Variants in USP24 observed in about 807,000 individuals in gnomAD.
USP24 encodes the protein ubiquitin specific peptidase 24.
In USP24, 97 loss-of-function variants were observed where a neutral mutation model predicts 361.6. The observed-to-expected ratio is 0.27, with a 90% CI of 0.23 to 0.32. The LOEUF is 0.32. Ranked by LOEUF, USP24 falls within the 10% of genes least tolerant of loss-of-function variation. The pLI is 1.00. For synonymous variants in USP24, 1,098 were observed against 1,124.6 expected (o/e 0.98, Z 0.47); for missense variants, 2,353 against 3,165.6 (o/e 0.74, Z 6.16).
At position 55,142,771 on chromosome 1, in the gene USP24, A is replaced by G; in HGVS notation, c.2605T>C (p.Phe869Leu). The G allele has an allele frequency of 6.4e-7, 1 of 1,555,210 alleles. No individual in the cohort carries two copies. Among genetic ancestry groups the G allele is most frequent in the African/African-American group, 1.4e-5 (1 of 73,240 alleles). ...KKDSVSLHKK[F>L]IADCYTRLEA... ...AATCTTGTGTAGCAATCAGCAATGA[A>G]TTTCTTATGTAAAGATACTGAATCC... Residue 869 changes from phenylalanine to leucine, a missense_variant, in exon 23 of 68, where the codon TTC (phenylalanine) becomes CTC (leucine). By Grantham distance (22) the Phe-to-Leu change is conservative. This residue lies in a region of USP24 where 949 missense variants were observed against 1,280.5 expected (regional missense o/e 0.74). Coordinates refer to ENST00000294383, the MANE Select transcript of USP24 (RefSeq NM_015306.3).
At chr1:55,157,202 GAT>G in intron 11 of USP24, 52 bp downstream of exon 11, 1 of 1,376,486 alleles carries the variant, frequency 7.3e-7, no homozygotes, top group Middle Eastern at 2.0e-4. Context: ...TTAATACAAA[GAT>G]ATATTATTTA....
intron 1 of USP24, among the ~76,000 whole-genome samples, chr1:55,211,948 G>T (rs1270713521): frequency 6.6e-6 from 1 of 152,178 alleles, no homozygotes; most frequent in Non-Finnish European, 1.5e-5. Context: ...TATAATAGCT[G>T]ACAATCTTCA....
At chr1:55,093,330 T>C (rs1645422738) in intron 52 of USP24, among the ~76,000 whole-genome samples, 1 of 152,228 alleles carries the variant, frequency 6.6e-6, no homozygotes, top group African/African-American at 2.4e-5. Context: ...TTGTTCTAGC[T>C]ACTGAGCTTT....
intron 45 of USP24, among the ~76,000 whole-genome samples, chr1:55,099,493 G>A (rs936012534): frequency 8.5e-5 from 13 of 152,128 alleles, no homozygotes; most frequent in Admixed American, 2.6e-4. Flanking sequence ...GGAAGGTAGA[G>A]GTTGCAGTGA....
intron 1 of USP24, among the ~76,000 whole-genome samples, chr1:55,194,974 C>A (rs551698198): frequency 6.6e-6 from 1 of 152,044 alleles, no homozygotes; most frequent in Non-Finnish European, 1.5e-5. Flanking sequence ...TCACCACTCC[C>A]GTGCCCCCTC....
chr1:55,098,355 A>C (rs1645544643), intron 46 of USP24, 121 bp downstream of exon 46: 1 of 960,146 alleles, frequency 1.0e-6, no homozygotes. Context: ...CTAAATACTT[A>C]TAGATCTGTT....
Position 55,100,518 on chromosome 1 carries a change from T to C in USP24, c.5271+321A>G, listed in dbSNP as rs549183203. 3.9e-5 allele frequency among the ~76,000 whole-genome samples: 6 copies of C among 152,192 alleles called. No individual in the cohort carries two copies. The South Asian group carries it at 1.0e-3, about 26-fold the overall frequency. On this transcript the variant is annotated intron_variant, in intron 44 of 67. Coordinates refer to ENST00000294383, the MANE Select transcript of USP24 (RefSeq NM_015306.3). ...TCTCAAAAAAAAAAAAAAAGTGTTC[T>C]TTATTTAAAGACATTAGTGAAATCG...
chr1:55,101,763 C>T, intron 42 of USP24, 60 bp from the exon 43 acceptor site: 1 of 1,503,366 alleles, frequency 6.7e-7, no homozygotes, highest in Non-Finnish European at 8.9e-7. Flanking sequence ...GCCACAGACA[C>T]ATTTACACTA....
At chr1:55,189,071 G>C (rs1569689113) in intron 1 of USP24, among the ~76,000 whole-genome samples, 1 of 151,054 alleles carries the variant, frequency 6.6e-6, no homozygotes, top group South Asian at 2.1e-4. Flanking sequence ...TTATAAAATG[G>C]GGCCACCGCT....
rs1235168856 is a variant in USP24, at chr1:55,113,071, A to G, written c.4509-2825T>C. 5.3e-5 allele frequency among the ~76,000 whole-genome samples: 8 copies of G among 152,250 alleles called. No individual in the cohort carries two copies. In the East Asian group the frequency reaches 1.5e-3, roughly 29 times the overall value. ...TGTTGGTTTAAAGTCTGTTTATCAG[A>G]GACTAGGATTGCAACCCCTGCTTTT... On this transcript the variant is annotated intron_variant, in intron 38 of 67. Coordinates refer to ENST00000294383, the MANE Select transcript of USP24 (RefSeq NM_015306.3).
At chr1:55,143,502 G>A (rs1646945590) in intron 21 of USP24, among the ~76,000 whole-genome samples, 1 of 152,150 alleles carries the variant, frequency 6.6e-6, no homozygotes, top group African/African-American at 2.4e-5. Context: ...AATTCTTGGG[G>A]CTCAATCTGG....
chr1:55,206,421 T>C (rs888086813), intron 1 of USP24, among the ~76,000 whole-genome samples: 3 of 151,988 alleles, frequency 2.0e-5, no homozygotes, highest in Non-Finnish European at 4.4e-5. Context: ...AGAAGAGATA[T>C]CAGGGAGTAG....
rs76258365 is a variant in USP24, at chr1:55,194,898, C to T, written c.325-16766G>A. Among the ~76,000 whole-genome samples, 1,130 of 152,274 alleles carry T rather than the reference C, an allele frequency of 7.4e-3. 12 individuals carry two copies. Among genetic ancestry groups the T allele is most frequent in the African/African-American group, 0.026 (1,096 of 41,544 alleles). On this transcript the variant is annotated intron_variant, in intron 1 of 67. Transcript: ENST00000294383. ...CTAGCCAAGCCTGCTTACTTGAGGT[C>T]TCTGTCCTGTGTTGCTCGGACTGCT...
intron 54 of USP24, 141 bp from the exon 55 acceptor site, chr1:55,089,881 G>C (rs1645337271): frequency 1.7e-6 from 1 of 585,668 alleles, no homozygotes. Flanking sequence ...GGAGGGATAA[G>C]AGATACTTAA....
intron 1 of USP24, among the ~76,000 whole-genome samples, chr1:55,205,446 T>C (rs1557708971): frequency 1.3e-5 from 2 of 152,192 alleles, no homozygotes; most frequent in Admixed American, 1.3e-4. Context: ...TCCTGCTGAA[T>C]TGCATCTTCT....
chr1:55,157,189 T>A, intron 11 of USP24, 67 bp downstream of exon 11: 2 of 1,366,076 alleles, frequency 1.5e-6, no homozygotes, highest in Non-Finnish European at 1.0e-6. Flanking sequence ...TTTTGTATAC[T>A]TTTTAATACA....
chr1:55,147,628 C>T, intron 18 of USP24, 21 bp downstream of exon 18: 1 of 1,563,420 alleles, frequency 6.4e-7, no homozygotes, highest in Non-Finnish European at 8.6e-7. Flanking sequence ...AATCATGAAG[C>T]AAAAACACAA....
intron 1 of USP24, among the ~76,000 whole-genome samples, chr1:55,203,757 T>G (rs1274778431): frequency 1.3e-5 from 2 of 152,236 alleles, no homozygotes; most frequent in Non-Finnish European, 2.9e-5. Context: ...AACTTGCTTG[T>G]TATTCTCTAA....
intron 6 of USP24, 77 bp downstream of exon 6, chr1:55,166,491 T>A: frequency 7.5e-7 from 1 of 1,337,356 alleles, no homozygotes; most frequent in Non-Finnish European, 1.0e-6. Context: ...GCCATTTGCT[T>A]AATATACCAA....
Sources: gnomAD v4.1 joint callset for allele counts (sites outside exome capture counted in the v4.1 genomes callset) on GRCh38, gnomAD v4.1.1 for gene constraint, gnomAD v4.1.1 regional missense constraint, MANE v1.5 for transcripts, NCBI Gene and HGNC (gene_info 2026-07-23, HGNC 2026-07-21) for gene names.